The following SLC51A variants were observed in gnomAD, a reference collection of about 807,000 sequenced individuals.
SLC51A encodes solute carrier family 51 member A.
A neutral mutation model predicts 34.8 loss-of-function variants in SLC51A; 22 were observed. That is an observed-to-expected ratio of 0.63 (90% CI 0.45 to 0.90). The LOEUF (loss-of-function observed/expected upper bound fraction) is 0.90. Ranked by LOEUF, SLC51A falls within the 40% of genes least tolerant of loss-of-function variation. The pLI is 0.00. For missense variants in SLC51A, 371 were observed against 414.8 expected, an observed-to-expected ratio of 0.89 and a Z score of 0.92; for synonymous variants, 181 against 176.3, an observed-to-expected ratio of 1.03 and a Z score of -0.21.
rs183645049 is a variant in SLC51A at position 196,223,522 on chromosome 3, G to A, written c.134-3443G>A. Among the ~76,000 whole-genome samples the A allele has an allele frequency of 2.6e-3, 391 of 151,846 alleles. 5 individuals carry two copies. The highest frequency in any genetic ancestry group is 5.7e-3 in the Admixed American group (86 of 15,208). ...GACTGGGAAGGACTGGGTTGGTGGC[G>A]TGTGAAAGGGCAGTTTTTACGCTCT... On this transcript the variant is annotated intron_variant, in intron 2 of 8. Transcript: ENST00000296327.
At chr3:196,229,783 T>A in intron 6 of SLC51A, 132 bp from the exon 7 acceptor site, 1 of 1,021,004 alleles carries the variant, frequency 9.8e-7, no homozygotes, top group South Asian at 2.1e-5. Flanking sequence ...GAGCCAGGAG[T>A]GTGATGCTGC....
chr3:196,221,199 G>A (rs1028138482), intron 2 of SLC51A, among the ~76,000 whole-genome samples: 3 of 151,854 alleles, frequency 2.0e-5, no homozygotes, highest in African/African-American at 7.2e-5. Context: ...GTTGCAGTGA[G>A]CTATGATTGC....
chr3:196,223,919 G>A (rs761382885), intron 2 of SLC51A: 5 of 403,226 alleles, frequency 1.2e-5, no homozygotes, highest in South Asian at 3.6e-5. Flanking sequence ...GAGTGCAGTG[G>A]TGTGATCTCA....
Position 196,225,480 on chromosome 3 carries a change from C to T in SLC51A, c.134-1485C>T, listed in dbSNP as rs545680527. On this transcript the variant is annotated intron_variant, in intron 2 of 8. Coordinates refer to ENST00000296327, the MANE Select transcript of SLC51A (RefSeq NM_152672.6). ...CAAAACACAGAGCAGACTAGCTAAT[C>T]CCTTCCTCGTGCTCACCCCGCAAGG... 3.9e-5 allele frequency among the ~76,000 whole-genome samples: 6 copies of T among 152,306 alleles called. No homozygotes were observed. The East Asian group carries it at 1.2e-3, about 29-fold the overall frequency.
chr3:196,231,200 C>T (rs1724022088), intron 7 of SLC51A, among the ~76,000 whole-genome samples: 1 of 152,198 alleles, frequency 6.6e-6, no homozygotes, highest in Admixed American at 6.5e-5. Flanking sequence ...CTCAAAGGCA[C>T]ATAAGGAACG....
intron 2 of SLC51A, among the ~76,000 whole-genome samples, chr3:196,218,155 G>A (rs1301969506): frequency 6.6e-6 from 1 of 152,212 alleles, no homozygotes; most frequent in Non-Finnish European, 1.5e-5. Context: ...GAGAGCAACC[G>A]TCATGTTGGG....
chr3:196,227,254 GC>G (rs767979956), intron 3 of SLC51A, 135 bp downstream of exon 3: 12 of 868,040 alleles, frequency 1.4e-5, no homozygotes, highest in Non-Finnish European at 2.1e-5. Context: ...AGGTTTGCAG[GC>G]CGACCTCCCC....
chr3:196,223,690 G>T (rs1311907850), intron 2 of SLC51A, among the ~76,000 whole-genome samples: 5 of 148,124 alleles, frequency 3.4e-5, no homozygotes, highest in Non-Finnish European at 7.4e-5. Context: ...TATTGTCTGA[G>T]TTTTTTTAAT....
rs200310192 is a variant in SLC51A at position 196,228,168 on chromosome 3, G to T, written c.416G>T (p.Gly139Val). 5.0e-6 allele frequency: 8 copies of T among 1,614,018 alleles called. No individual in the cohort carries two copies. The highest frequency in any genetic ancestry group is 3.3e-5 in the South Asian group (3 of 91,086). Reference sequence around the variant, plus strand: ...ATGCTGGTCATGGTGGAAGGCTTTGGGGGGAAGGAGGCAGTGCTGAGGACG... The same window carrying T: ...ATGCTGGTCATGGTGGAAGGCTTTGTGGGGAAGGAGGCAGTGCTGAGGACG... ...LLMLVMVEGF[G>V]GKEAVLRTLR... is the part of the protein sequence containing the mutation. The change falls in exon 5 of 9, where the codon GGG (glycine) becomes GTG (valine). Residue 139 changes from glycine (G) to valine (V), a missense_variant. Coordinates refer to ENST00000296327, the MANE Select transcript of SLC51A (RefSeq NM_152672.6). This position sits in a 1 kb window ranked among gnomAD's most constrained non-coding sequence, Gnocchi z 4.9.
Position 196,228,124 on chromosome 3 carries a change from C to T in SLC51A, c.372C>T (p.Ala124=), listed in dbSNP as rs148131579. Residue 124 remains alanine, a synonymous_variant, in exon 5 of 9, where the codon GCC becomes GCT. Transcript: ENST00000296327. The surrounding 1 kb of genome is among the most constrained non-coding windows in gnomAD (Gnocchi z 4.9). ...TCTCTCCCCACCCCAGGTTTTATGC[C>T]GTGTGCTTTTACCTGCTGATGCTGG... ...LVEMTITSFY[A]VCFYLLMLVM... 1.7e-4 allele frequency: 273 copies of T among 1,613,572 alleles called. No individual in the cohort carries two copies. In the African/African-American group the frequency reaches 2.9e-3, roughly 17 times the overall value.
At chr3:196,222,561 C>G (rs1017262089) in intron 2 of SLC51A, among the ~76,000 whole-genome samples, 3 of 150,652 alleles carry the variant, frequency 2.0e-5, no homozygotes, top group Non-Finnish European at 4.4e-5. Flanking sequence ...CTTGGATCCA[C>G]GAGGCGGAGC....
intron 2 of SLC51A, among the ~76,000 whole-genome samples, chr3:196,219,491 CGTGGGCGTGT>C (rs1723687029): frequency 2.0e-5 from 3 of 152,218 alleles, no homozygotes; most frequent in Non-Finnish European, 4.4e-5. Context: ...CTGTTGCAGA[CGTGGGCGTGT>C]CCTTGGGCTG....
chr3:196,216,703 G>C lies in SLC51A; in HGVS notation c.-10G>C. ...CCGGTGCCTGCGGGATTGCTGGAGAGAACGCGGCGATGGAGCCGGGCAGGA... is the reference window on the plus strand; with the variant it reads ...CCGGTGCCTGCGGGATTGCTGGAGACAACGCGGCGATGGAGCCGGGCAGGA... On this transcript the variant is annotated 5_prime_UTR_variant, in exon 1 of 9. Coordinates refer to ENST00000296327, the MANE Select transcript of SLC51A (RefSeq NM_152672.6). The surrounding 1 kb of genome is among the most constrained non-coding windows in gnomAD (Gnocchi z 4.5). The C allele has an allele frequency of 3.8e-6, 6 of 1,565,072 alleles. No homozygotes were observed. The highest frequency in any genetic ancestry group is 5.2e-6 in the Non-Finnish European group (6 of 1,154,844).
intron 2 of SLC51A, among the ~76,000 whole-genome samples, chr3:196,221,738 CAG>C (rs1014312901): frequency 1.3e-5 from 2 of 150,006 alleles, no homozygotes; most frequent in African/African-American, 4.9e-5. Context: ...TTTTAAGAGA[CAG>C]AGTCTCGCTC....
chr3:196,221,599 G>A (rs889242983), intron 2 of SLC51A, among the ~76,000 whole-genome samples: 3 of 151,638 alleles, frequency 2.0e-5, no homozygotes, highest in Non-Finnish European at 2.9e-5. Flanking sequence ...AATACTACAC[G>A]CCAGGTGCTT....
At chr3:196,225,917 A>C (rs1156823184) in intron 2 of SLC51A, 1 of 152,196 alleles carries the variant, frequency 6.6e-6, no homozygotes, top group East Asian at 1.9e-4. Flanking sequence ...TGCAATATCC[A>C]CGAAAGTTTG....
In SLC51A at chr3:196,228,887, T is replaced by C. The variant is rs1723962656; in HGVS notation, c.600T>C (p.Phe200=). The C allele has an allele frequency of 1.2e-6, 2 of 1,614,108 alleles. No individual in the cohort carries two copies. Among genetic ancestry groups the C allele is most frequent in the Non-Finnish European group, 1.7e-6 (2 of 1,180,016 alleles). ...TAACGCTGACCCTGGTGGGCCTGTTTCTCGTCCCCGACGGCATCTATGACC... is the reference window on the plus strand; with the variant it reads ...TAACGCTGACCCTGGTGGGCCTGTTCCTCGTCCCCGACGGCATCTATGACC... ...LKITLTLVGL[F]LVPDGIYDPA... The change falls in exon 6 of 9, where the codon TTT becomes TTC. Residue 200 remains phenylalanine (F), a synonymous_variant. Transcript: ENST00000296327. This position sits in a 1 kb window ranked among gnomAD's most constrained non-coding sequence, Gnocchi z 4.9.
At chr3:196,222,007 C>T (rs1723770069) in intron 2 of SLC51A, among the ~76,000 whole-genome samples, 2 of 151,980 alleles carry the variant, frequency 1.3e-5, no homozygotes. Context: ...CGTGAGCCCC[C>T]CCGCCCGGCC....
intron 4 of SLC51A, 70 bp downstream of exon 4, chr3:196,227,807 C>A: frequency 7.0e-7 from 1 of 1,422,762 alleles, no homozygotes. Context: ...GAGTCCGTGT[C>A]CTTGATCCCA....
Sources: gnomAD v4.1 joint callset for allele counts (sites outside exome capture counted in the v4.1 genomes callset) on GRCh38, gnomAD v4.1.1 for gene constraint, Gnocchi (gnomAD v3.1) non-coding constraint, MANE v1.5 for transcripts, NCBI Gene and HGNC (gene_info 2026-07-23, HGNC 2026-07-21) for gene names.